Variants in RAB37 observed in about 807,000 individuals in gnomAD.
The protein encoded by RAB37 is ras-related protein Rab-37.
RAB37 carries 29 observed loss-of-function variants against 33.1 expected under a neutral mutation model. The observed-to-expected ratio is 0.88, with a 90% CI of 0.65 to 1.20. The LOEUF (loss-of-function observed/expected upper bound fraction) is 1.20. Ranked by LOEUF, RAB37 falls within the 50% of genes most tolerant of loss-of-function variation. The probability of loss-of-function intolerance (pLI) is 0.00; values close to 1 mark genes in which losing one functional copy is unlikely to be tolerated. For missense variants in RAB37, 299 were observed against 301.1 expected (o/e 0.99, Z 0.05); for synonymous variants, 128 against 119.5 (o/e 1.07, Z -0.47).
At chr17:74,678,246 C>G (rs1329509842) in intron 1 of RAB37, among the ~76,000 whole-genome samples, 1 of 152,152 alleles carries the variant, frequency 6.6e-6, no homozygotes, top group Non-Finnish European at 1.5e-5. Flanking sequence ...CCTCCTATCT[C>G]TTAACCAGAG....
chr17:74,695,060 A>G, intron 1 of RAB37: 1 of 1,596,310 alleles, frequency 6.3e-7, no homozygotes, highest in Non-Finnish European at 8.5e-7. Flanking sequence ...GAGTGTGCTC[A>G]CAGCCTGGGG....
intron 1 of RAB37, among the ~76,000 whole-genome samples, chr17:74,699,703 C>T (rs1391954841): frequency 6.6e-6 from 1 of 152,194 alleles, no homozygotes; most frequent in Non-Finnish European, 1.5e-5. Context: ...GCCTCCTTAG[C>T]TGTGAGAGAA....
chr17:74,703,710 C>T (rs992961226), intron 1 of RAB37, among the ~76,000 whole-genome samples: 7 of 152,166 alleles, frequency 4.6e-5, no homozygotes, highest in African/African-American at 1.7e-4. Context: ...CCAGAGGCTC[C>T]GGGTGCAACC....
chr17:74,711,534 C>A (rs2033961932), intron 1 of RAB37, among the ~76,000 whole-genome samples: 1 of 152,196 alleles, frequency 6.6e-6, no homozygotes, highest in South Asian at 2.1e-4. Flanking sequence ...ACTTTCTTCC[C>A]CAAGACCTTT....
In RAB37 at chr17:74,744,835, G is replaced by A. The variant is rs554722506; in HGVS notation, c.433-38G>A. 6.2e-7 allele frequency: 1 copy of A among 1,612,322 alleles called. No individual in the cohort carries two copies. Among genetic ancestry groups the A allele is most frequent in the African/African-American group, 1.3e-5 (1 of 75,034 alleles). On this transcript the variant is annotated intron_variant, in intron 6 of 8. Transcript: ENST00000392613. The surrounding 1 kb of genome is among the most constrained non-coding windows in gnomAD (Gnocchi z 4.2). The stretch of plus-strand genomic sequence containing the variant: ...CAAAATATGGGCCCGCTGGGGCGGA[G>A]GCCTCCTTCCCCAGAGTGACCCATT...
At chr17:74,690,790 A>G (rs1008793519) in intron 1 of RAB37, among the ~76,000 whole-genome samples, 1 of 152,220 alleles carries the variant, frequency 6.6e-6, no homozygotes, top group Non-Finnish European at 1.5e-5. Context: ...TCTGGAATTG[A>G]CTGGACTGGC....
intron 1 of RAB37, among the ~76,000 whole-genome samples, chr17:74,705,874 C>T (rs907851126): frequency 6.6e-6 from 1 of 152,148 alleles, no homozygotes; most frequent in African/African-American, 2.4e-5. Context: ...GGATTACAGG[C>T]GGGCCCCACA....
At chr17:74,716,383 C>G (rs116012447) in intron 1 of RAB37, among the ~76,000 whole-genome samples, 140 of 152,276 alleles carry the variant, frequency 9.2e-4, no homozygotes, top group African/African-American at 3.1e-3. Flanking sequence ...CTGTCTAGCA[C>G]CTAAGAACCA....
intron 1 of RAB37, among the ~76,000 whole-genome samples, chr17:74,721,573 C>T (rs1382395816): frequency 2.0e-5 from 3 of 151,992 alleles, no homozygotes; most frequent in Non-Finnish European, 2.9e-5. Context: ...GCTGGCATTA[C>T]AGGTGCACGT....
chr17:74,728,762 C>A (rs1047536932), intron 1 of RAB37, among the ~76,000 whole-genome samples: 1 of 148,866 alleles, frequency 6.7e-6, no homozygotes, highest in East Asian at 2.0e-4. Context: ...CTGTATGTGT[C>A]TTGTGCATGT....
intron 1 of RAB37, among the ~76,000 whole-genome samples, chr17:74,728,514 A>C (rs538368502): frequency 6.7e-6 from 1 of 149,046 alleles, no homozygotes; most frequent in African/African-American, 2.5e-5. Context: ...CTGTGTGTGC[A>C]TGTGTGTTTC....
intron 1 of RAB37, among the ~76,000 whole-genome samples, chr17:74,715,897 G>A (rs975933307): frequency 3.9e-5 from 6 of 152,154 alleles, no homozygotes; most frequent in Non-Finnish European, 8.8e-5. Flanking sequence ...GGGCATGGTG[G>A]TGGATGTCTG....
At chr17:74,683,137 T>C (rs1031876908) in intron 1 of RAB37, among the ~76,000 whole-genome samples, 115 of 152,276 alleles carry the variant, frequency 7.6e-4, no homozygotes, top group Admixed American at 7.4e-3. Context: ...ACTAAATAAC[T>C]GGATTTGGGT....
intron 2 of RAB37, among the ~76,000 whole-genome samples, chr17:74,741,170 C>T (rs2034605943): frequency 6.6e-6 from 1 of 152,170 alleles, no homozygotes; most frequent in South Asian, 2.1e-4. Flanking sequence ...ACGGCATAAG[C>T]TGAATATCTT....
intron 1 of RAB37, among the ~76,000 whole-genome samples, chr17:74,679,813 A>G (rs1266247896): frequency 1.3e-5 from 2 of 151,936 alleles, no homozygotes; most frequent in Non-Finnish European, 2.9e-5. Context: ...CCCTGTCTCT[A>G]CTAAAAACAC....
chr17:74,696,235 A>G (rs748180344), intron 1 of RAB37: 4 of 1,603,116 alleles, frequency 2.5e-6, no homozygotes. Flanking sequence ...ACAAACAACA[A>G]TTCAGAATTA....
chr17:74,698,447 G>C lies in RAB37; in HGVS notation c.72+26789G>C, dbSNP rs1389723572. 3.7e-6 allele frequency: 6 copies of C among 1,613,874 alleles called. No homozygotes were observed. In the African/African-American group the frequency reaches 8.0e-5, roughly 22 times the overall value. The stretch of plus-strand genomic sequence containing the variant: ...AGCAGCAGCAATATGGTGAAGATGA[G>C]GGGCAGGAGGACACTGAGCTTCAGG... On this transcript the variant is annotated intron_variant, in intron 1 of 7. Transcript: ENST00000340415.
At chr17:74,710,866 C>CAAAA (rs111331327) in intron 1 of RAB37, among the ~76,000 whole-genome samples, 5 of 136,596 alleles carry the variant, frequency 3.7e-5, no homozygotes, top group Admixed American at 2.2e-4. Flanking sequence ...GACTCTGTCT[C>CAAAA]AAAAAAAAAA....
chr17:74,704,508 C>T (rs751453870), intron 1 of RAB37: 1 of 1,613,916 alleles, frequency 6.2e-7, no homozygotes. Context: ...ACTGTGACCC[C>T]AAGGTCATTT....
Sources: gnomAD v4.1 joint callset for allele counts (sites outside exome capture counted in the v4.1 genomes callset) on GRCh38, gnomAD v4.1.1 for gene constraint, Gnocchi (gnomAD v3.1) non-coding constraint, MANE v1.5 for transcripts, NCBI Gene and HGNC (gene_info 2026-07-23, HGNC 2026-07-21) for gene names.